ABCC9: variants seen among roughly 807,000 people sequenced by gnomAD.
The protein encoded by ABCC9 is ATP-binding cassette sub-family C member 9.
A neutral mutation model predicts 188.3 loss-of-function variants in ABCC9; 95 were observed. That is an observed-to-expected ratio of 0.50 (90% CI 0.43 to 0.60). The LOEUF (loss-of-function observed/expected upper bound fraction) is 0.60. Ranked by LOEUF, ABCC9 falls within the 20% of genes least tolerant of loss-of-function variation. The pLI is 0.00. For missense variants in ABCC9, 1,102 were observed against 1,876.3 expected, an observed-to-expected ratio of 0.59 and a Z score of 7.62; for synonymous variants, 659 against 652.7, an observed-to-expected ratio of 1.01 and a Z score of -0.15.
chr12:21,903,026 A>C (rs988330425), intron 12 of ABCC9, among the ~76,000 whole-genome samples: 1 of 152,208 alleles, frequency 6.6e-6, no homozygotes, highest in Non-Finnish European at 1.5e-5. Context: ...TGATGAACAC[A>C]GATGCAAAAA....
At chr12:21,875,792 A>C in intron 16 of ABCC9, 66 bp from the exon 17 acceptor site, 2 of 1,375,306 alleles carry the variant, frequency 1.5e-6, no homozygotes, top group Non-Finnish European at 2.0e-6. Flanking sequence ...TAATTAAAAT[A>C]ATAATTTGTA....
intron 6 of ABCC9, among the ~76,000 whole-genome samples, chr12:21,916,285 A>G (rs976106420): frequency 3.9e-5 from 6 of 152,188 alleles, no homozygotes; most frequent in Non-Finnish European, 8.8e-5. Flanking sequence ...CTCTTGATCT[A>G]TGGTTTCCTG....
chr12:21,818,528 G>A lies in ABCC9; in HGVS notation c.3670-277C>T, dbSNP rs143277701. On this transcript the variant is annotated intron_variant, in intron 31 of 39. Transcript: ENST00000261200. Reference sequence around the variant, plus strand: ...TATAACTATATAGATATATATATATGTGTGTGTGTGTGTGTGTGTGTGTGT... The same window carrying A: ...TATAACTATATAGATATATATATATATGTGTGTGTGTGTGTGTGTGTGTGT... 6.9e-4 allele frequency among the ~76,000 whole-genome samples: 52 copies of A among 75,084 alleles called. 1 individual carries two copies. In the East Asian group the frequency reaches 8.1e-3, roughly 12 times the overall value. 49.3% of individuals were successfully genotyped at this position (75,084 alleles called of 152,430 possible).
In ABCC9 at chr12:21,875,685, T is replaced by C; in HGVS notation, c.2061A>G (p.Thr687=). The change falls in exon 17 of 40, where the codon ACA becomes ACG. Residue 687 remains threonine (T), a synonymous_variant. Coordinates refer to ENST00000261200, the MANE Select transcript of ABCC9 (RefSeq NM_020297.4). Reference sequence around the variant, plus strand: ...GAATTCGAATATCTATATTGGATAATGTAGCTAAACCACTGCCCCATGAAA... The same window carrying C: ...GAATTCGAATATCTATATTGGATAACGTAGCTAAACCACTGCCCCATGAAA... ...GYFSWGSGLA[T]LSNIDIRIPT... 1.2e-6 allele frequency: 2 copies of C among 1,612,966 alleles called. No homozygotes were observed. The highest frequency in any genetic ancestry group is 3.3e-5 in the Admixed American group (2 of 60,028).
chr12:21,906,971 T>C (rs1948075860), intron 11 of ABCC9, among the ~76,000 whole-genome samples: 2 of 152,056 alleles, frequency 1.3e-5, no homozygotes, highest in Admixed American at 1.3e-4. Flanking sequence ...TCACCACATG[T>C]CATACTAGAA....
At chr12:21,805,009 A>G (rs368408359) in intron 39 of ABCC9, 1 of 365,274 alleles carries the variant, frequency 2.7e-6, no homozygotes, top group Non-Finnish European at 3.8e-6. Flanking sequence ...GGTAGTGAGC[A>G]TGACAAAAGC....
At chr12:21,838,740 A>G (rs548202978) in intron 29 of ABCC9, among the ~76,000 whole-genome samples, 37 of 152,304 alleles carry the variant, frequency 2.4e-4, no homozygotes, top group African/African-American at 8.2e-4. Flanking sequence ...AAGACTAGAA[A>G]TAAGGTAATC....
chr12:21,875,743 C>T lies in ABCC9; in HGVS notation c.2020-17G>A, dbSNP rs2137603454. On this transcript the variant is annotated splice_polypyrimidine_tract_variant and intron_variant, in intron 16 of 39. Coordinates refer to ENST00000261200, the MANE Select transcript of ABCC9 (RefSeq NM_020297.4). ...ATTTGTGACCTACAAAATAAAAATA[C>T]AGAAATTAAATTATATGTGTGGTAT... is the stretch of plus-strand genomic sequence containing the variant. The T allele has an allele frequency of 2.5e-6, 4 of 1,581,424 alleles. No individual in the cohort carries two copies. The highest frequency in any genetic ancestry group is 2.6e-6 in the Non-Finnish European group (3 of 1,151,024).
At chr12:21,939,525 T>G (rs1033957854) in intron 2 of ABCC9, among the ~76,000 whole-genome samples, 2 of 152,236 alleles carry the variant, frequency 1.3e-5, no homozygotes, top group African/African-American at 4.8e-5. Context: ...TGGGAATGTT[T>G]GGGGAAGGGT....
chr12:21,822,271 A>G (rs1216096866), intron 31 of ABCC9, among the ~76,000 whole-genome samples: 1 of 151,568 alleles, frequency 6.6e-6, no homozygotes, highest in Non-Finnish European at 1.5e-5. Context: ...TACTAACTAG[A>G]TACTTTCCAG....
chr12:21,897,002 C>T (rs1285671844), intron 12 of ABCC9, among the ~76,000 whole-genome samples: 1 of 152,222 alleles, frequency 6.6e-6, no homozygotes, highest in Non-Finnish European at 1.5e-5. Flanking sequence ...CCACACTGGT[C>T]TTCCACAATG....
At chr12:21,855,428 G>A (rs773752175) in intron 22 of ABCC9, among the ~76,000 whole-genome samples, 11 of 152,014 alleles carry the variant, frequency 7.2e-5, no homozygotes, top group Non-Finnish European at 1.6e-4. Context: ...CACCATGTTG[G>A]TCAGGCTGGT....
intron 31 of ABCC9, among the ~76,000 whole-genome samples, chr12:21,827,931 A>G (rs1943483370): frequency 6.6e-6 from 1 of 152,234 alleles, no homozygotes; most frequent in African/African-American, 2.4e-5. Context: ...ATCTGTATCC[A>G]TCAATCAACT....
intron 11 of ABCC9, among the ~76,000 whole-genome samples, chr12:21,907,581 T>G (rs1948103694): frequency 6.6e-6 from 1 of 152,072 alleles, no homozygotes; most frequent in Non-Finnish European, 1.5e-5. Context: ...TTTTCTTGCT[T>G]GCCAAGTTGA....
At chr12:21,919,917 G>A (rs1234145023) in intron 5 of ABCC9, among the ~76,000 whole-genome samples, 2 of 151,934 alleles carry the variant, frequency 1.3e-5, no homozygotes, top group Non-Finnish European at 2.9e-5. Flanking sequence ...ACTATGTGTG[G>A]TTCTTCTCAG....
intron 30 of ABCC9, among the ~76,000 whole-genome samples, chr12:21,835,984 G>A (rs1384145487): frequency 1.3e-5 from 2 of 152,094 alleles, no homozygotes; most frequent in Non-Finnish European, 2.9e-5. Context: ...AAACTTAGAA[G>A]GAATCACCTT....
intron 12 of ABCC9, among the ~76,000 whole-genome samples, chr12:21,902,542 G>C (rs1168296152): frequency 6.6e-6 from 1 of 152,086 alleles, no homozygotes; most frequent in Non-Finnish European, 1.5e-5. Context: ...AAAATAGATA[G>C]ACCACTAGCA....
chr12:21,817,684 A>G (rs1942735573), intron 32 of ABCC9, among the ~76,000 whole-genome samples: 1 of 152,136 alleles, frequency 6.6e-6, no homozygotes, highest in East Asian at 1.9e-4. Context: ...CTCTGACCAC[A>G]AGATCTGAGA....
intron 3 of ABCC9, 100 bp from the exon 4 acceptor site, chr12:21,934,023 G>A: frequency 7.7e-7 from 1 of 1,300,084 alleles, no homozygotes; most frequent in South Asian, 1.3e-5. Context: ...GCAGGGGTGG[G>A]GGGGTCCTGA....
Sources: allele counts gnomAD v4.1 joint callset (sites outside exome capture counted in the v4.1 genomes callset), GRCh38; gene constraint gnomAD v4.1.1; transcripts MANE v1.5; gene names NCBI Gene and HGNC (gene_info 2026-07-23, HGNC 2026-07-21).